The following UNC5D variants were observed in gnomAD, a reference collection of about 807,000 sequenced individuals.
UNC5D encodes the protein netrin receptor UNC5D.
Under a neutral mutation model 105.4 loss-of-function variants are expected in UNC5D, and 39 were observed. The observed-to-expected ratio is 0.37, with a 90% CI of 0.29 to 0.48. The LOEUF (loss-of-function observed/expected upper bound fraction) is 0.48, where lower values mean the gene tolerates loss of function less well. UNC5D is among the 20% of genes least tolerant of loss of function. The pLI, the probability that UNC5D is intolerant of heterozygous loss-of-function variation, is 0.98. For missense variants in UNC5D, 991 were observed against 1,202.4 expected, an observed-to-expected ratio of 0.82 and a Z score of 2.60; for synonymous variants, 452 against 450.4, an observed-to-expected ratio of 1.00 and a Z score of -0.04.
At position 35,791,458 on chromosome 8, in the gene UNC5D, G is replaced by T. The variant is rs545750247; in HGVS notation, c.*895G>T. 6.6e-5 allele frequency: 10 copies of T among 152,300 alleles called. No homozygotes were observed. The highest frequency in any genetic ancestry group is 2.4e-4 in the African/African-American group (10 of 41,580). The allele number at this position is 152,300 out of a possible 1,614,324, so 9.4% of individuals were successfully genotyped here. On this transcript the variant is annotated 3_prime_UTR_variant, in exon 17 of 17. Transcript: ENST00000404895. ...CAGGTTCAAAAACACATGAACTGCA[G>T]ATGCCATAGGCCTCAAATCAGCTGT...
chr8:35,371,523 C>A (rs975631308), intron 1 of UNC5D, among the ~76,000 whole-genome samples: 24 of 152,182 alleles, frequency 1.6e-4, no homozygotes, highest in African/African-American at 4.3e-4. Flanking sequence ...GATATCAAGC[C>A]TTTGTCTAGT....
At chr8:35,427,514 A>T (rs912103648) in intron 1 of UNC5D, among the ~76,000 whole-genome samples, 10 of 152,344 alleles carry the variant, frequency 6.6e-5, no homozygotes, top group African/African-American at 2.4e-4. Flanking sequence ...ATAGTGAGAC[A>T]GCTTTGTCCA....
chr8:35,386,861 T>TTTTTTTA (rs994229462), intron 1 of UNC5D, among the ~76,000 whole-genome samples: 10 of 152,204 alleles, frequency 6.6e-5, no homozygotes, highest in African/African-American at 1.9e-4. Flanking sequence ...CTTACTTTGC[T>TTTTTTTA]TTTTTTATTT....
At chr8:35,495,458 C>CAACAAAAAAA (rs1811504758) in intron 1 of UNC5D, among the ~76,000 whole-genome samples, 1 of 44,632 alleles carries the variant, frequency 2.2e-5, no homozygotes, top group African/African-American at 1.0e-4. Context: ...ACAACAACAA[C>CAACAAAAAAA]AAAAAAAAAA....
At chr8:35,702,420 C>A (rs761755977) in intron 7 of UNC5D, among the ~76,000 whole-genome samples, 25 of 151,888 alleles carry the variant, frequency 1.6e-4, no homozygotes, top group Non-Finnish European at 3.5e-4. Flanking sequence ...TTGAAAAGCT[C>A]CCCAGGTGAT....
rs185486303 is a variant in UNC5D at position 35,758,603 on chromosome 8, G to T, written c.2164-717G>T. On this transcript the variant is annotated intron_variant, in intron 13 of 16. Transcript: ENST00000404895. ...AATATGATTCTAATGCCACAAATTT[G>T]GAACCAATGAAATGGTTTACTCAAC... Among the ~76,000 whole-genome samples the T allele has an allele frequency of 4.6e-3, 705 of 152,150 alleles. 3 individuals are homozygous for T. Among genetic ancestry groups the T allele is most frequent in the African/African-American group, 0.016 (661 of 41,498 alleles).
intron 1 of UNC5D, among the ~76,000 whole-genome samples, chr8:35,367,241 C>T (rs1037278165): frequency 6.6e-6 from 1 of 152,178 alleles, no homozygotes; most frequent in African/African-American, 2.4e-5. Context: ...TACCCACCTA[C>T]TTGCCTGTTT....
At chr8:35,493,303 A>AAAC (rs1714059846) in intron 1 of UNC5D, among the ~76,000 whole-genome samples, 1 of 149,308 alleles carries the variant, frequency 6.7e-6, no homozygotes, top group Non-Finnish European at 1.5e-5. Flanking sequence ...AAAAAAAAAA[A>AAAC]ACACACCAAA....
chr8:35,375,275 A>C (rs1802633488), intron 1 of UNC5D, among the ~76,000 whole-genome samples: 1 of 152,230 alleles, frequency 6.6e-6, no homozygotes, highest in Non-Finnish European at 1.5e-5. Flanking sequence ...TGAACTAAAA[A>C]ATGTCTGTTA....
At chr8:35,284,522 A>C (rs1585493744) in intron 1 of UNC5D, among the ~76,000 whole-genome samples, 2 of 152,198 alleles carry the variant, frequency 1.3e-5, no homozygotes, top group African/African-American at 4.8e-5. Flanking sequence ...CAGTAGGAAA[A>C]TCTGGGGAAA....
At chr8:35,385,922 A>T (rs1456786048) in intron 1 of UNC5D, among the ~76,000 whole-genome samples, 1 of 152,118 alleles carries the variant, frequency 6.6e-6, no homozygotes, top group Non-Finnish European at 1.5e-5. Context: ...CAGCTAACAA[A>T]ATTCTATTTT....
Position 35,434,258 on chromosome 8 carries a change from A to G in UNC5D, c.104-115034A>G, listed in dbSNP as rs143535121. Reference sequence around the variant, plus strand: ...GTATAAAATTGAAATATGGAAATAAATTTGGTAACATTTTAATGAAAATGT... The same window carrying G: ...GTATAAAATTGAAATATGGAAATAAGTTTGGTAACATTTTAATGAAAATGT... On this transcript the variant is annotated intron_variant, in intron 1 of 16. Transcript: ENST00000404895. Among the ~76,000 whole-genome samples the G allele has an allele frequency of 3.6e-4, 55 of 152,226 alleles. 1 individual carries two copies. In the East Asian group the frequency reaches 8.3e-3, roughly 23 times the overall value.
intron 1 of UNC5D, among the ~76,000 whole-genome samples, chr8:35,342,262 CA>C (rs1004965371): frequency 3.3e-5 from 5 of 152,026 alleles, no homozygotes; most frequent in Non-Finnish European, 7.4e-5. Context: ...GGGGACAGAC[CA>C]AAAGAGAGAA....
intron 1 of UNC5D, among the ~76,000 whole-genome samples, chr8:35,530,800 T>G (rs1464262321): frequency 3.6e-4 from 53 of 145,384 alleles, no homozygotes; most frequent in African/African-American, 1.4e-3. Flanking sequence ...AAGGAATTTA[T>G]CCATTTCTTC....
intron 1 of UNC5D, among the ~76,000 whole-genome samples, chr8:35,288,138 G>T (rs1375771317): frequency 6.6e-6 from 1 of 151,932 alleles, no homozygotes; most frequent in African/African-American, 2.4e-5. Flanking sequence ...ACCCAAAGAG[G>T]AGTTTACTAT....
chr8:35,598,027 A>G (rs1819598809), intron 4 of UNC5D, among the ~76,000 whole-genome samples: 1 of 151,966 alleles, frequency 6.6e-6, no homozygotes, highest in Admixed American at 6.6e-5. Context: ...GGGCCTTTGA[A>G]TGTGCTGGCC....
chr8:35,382,761 T>C (rs1019426028), intron 1 of UNC5D, among the ~76,000 whole-genome samples: 18 of 152,214 alleles, frequency 1.2e-4, no homozygotes, highest in African/African-American at 4.3e-4. Flanking sequence ...ACACACTGCT[T>C]GGATTCCAGA....
chr8:35,472,267 A>C (rs1809788750), intron 1 of UNC5D, among the ~76,000 whole-genome samples: 1 of 152,126 alleles, frequency 6.6e-6, no homozygotes, highest in African/African-American at 2.4e-5. Context: ...ACCTCTACTC[A>C]CAAGAGGAGA....
intron 1 of UNC5D, among the ~76,000 whole-genome samples, chr8:35,424,037 C>T (rs1667337368): frequency 6.6e-6 from 1 of 152,020 alleles, no homozygotes; most frequent in East Asian, 1.9e-4. Flanking sequence ...TGGCTTCAAG[C>T]CATCCTCCCA....
Sources: allele counts gnomAD v4.1 joint callset (sites outside exome capture counted in the v4.1 genomes callset), GRCh38; gene constraint gnomAD v4.1.1; transcripts MANE v1.5; gene names NCBI Gene and HGNC (gene_info 2026-07-23, HGNC 2026-07-21).